SHISA6: variants seen among roughly 807,000 people sequenced by gnomAD.
The protein encoded by SHISA6 is protein shisa-6.
SHISA6 carries 22 observed loss-of-function variants against 47.9 expected under a neutral mutation model. That is an observed-to-expected ratio of 0.46 (90% CI 0.33 to 0.66). The LOEUF (loss-of-function observed/expected upper bound fraction) is 0.66. SHISA6 is among the 30% of genes least tolerant of loss of function. The pLI is 0.02. For synonymous variants in SHISA6, 388 were observed against 337.8 expected (o/e 1.15, Z -1.63); for missense variants, 680 against 764.6 (o/e 0.89, Z 1.30).
chr17:11,423,239 G>GTGTA (rs71367331), intron 3 of SHISA6, among the ~76,000 whole-genome samples: 5,141 of 134,588 alleles, frequency 0.038, 171 homozygotes, highest in African/African-American at 0.079. Context: ...GTGTGTGTGT[G>GTGTA]TATATATATA....
At chr17:11,528,581 T>G (rs1265268226) in intron 3 of SHISA6, among the ~76,000 whole-genome samples, 1 of 152,158 alleles carries the variant, frequency 6.6e-6, no homozygotes, top group Admixed American at 6.5e-5. Flanking sequence ...GTATGTGTAA[T>G]GAATTATGGT....
Position 11,461,177 on chromosome 17 carries a change from C to T in SHISA6, c.895+81668C>T, listed in dbSNP as rs552364351. Among the ~76,000 whole-genome samples, 5 of 152,232 alleles carry T rather than the reference C, an allele frequency of 3.3e-5. No homozygotes were observed. In the South Asian group the frequency reaches 1.0e-3, roughly 32 times the overall value. ...CTTCAGGAGGCGGAGGCAGGCGGAT[C>T]ACGAGGTCAGGAGATTGAGATCATC... On this transcript the variant is annotated intron_variant, in intron 3 of 5. Transcript: ENST00000441885.
intron 2 of SHISA6, among the ~76,000 whole-genome samples, chr17:11,336,385 A>G (rs989898873): frequency 6.6e-6 from 1 of 151,928 alleles, no homozygotes; most frequent in African/African-American, 2.4e-5. Flanking sequence ...GTAAGCTATT[A>G]TGGGGGCAGA....
At chr17:11,323,740 G>A (rs947219469) in intron 2 of SHISA6, among the ~76,000 whole-genome samples, 1 of 151,670 alleles carries the variant, frequency 6.6e-6, no homozygotes, top group Non-Finnish European at 1.5e-5. Flanking sequence ...CAACCTGTAG[G>A]CTTTGCTCTC....
chr17:11,248,989 A>G (rs1427111622), intron 1 of SHISA6, among the ~76,000 whole-genome samples: 13 of 152,076 alleles, frequency 8.5e-5, no homozygotes, highest in Non-Finnish European at 5.9e-5. Flanking sequence ...AATACAAAAA[A>G]TTAGCCGGGC....
chr17:11,546,990 G>A (rs796374969), intron 3 of SHISA6, among the ~76,000 whole-genome samples: 1 of 152,058 alleles, frequency 6.6e-6, no homozygotes, highest in African/African-American at 2.4e-5. Context: ...TGGTACATGC[G>A]ATAAACAAGA....
rs575012345 is a variant in SHISA6 at position 11,312,718 on chromosome 17, G to A, written c.799+49192G>A. Among the ~76,000 whole-genome samples, 4 of 152,236 alleles carry A rather than the reference G, an allele frequency of 2.6e-5. No homozygotes were observed. The South Asian group carries it at 8.3e-4, about 32-fold the overall frequency. ...TTTATTTATTCAGGAATAAGCTATGGCAGTATCCATAGTTCTATTTCATTC... is the reference window on the plus strand; with the variant it reads ...TTTATTTATTCAGGAATAAGCTATGACAGTATCCATAGTTCTATTTCATTC... On this transcript the variant is annotated intron_variant, in intron 2 of 5. Coordinates refer to ENST00000441885, the MANE Select transcript of SHISA6 (RefSeq NM_207386.4).
intron 3 of SHISA6, among the ~76,000 whole-genome samples, chr17:11,529,924 T>G (rs2071718158): frequency 6.6e-6 from 1 of 151,916 alleles, no homozygotes; most frequent in South Asian, 2.1e-4. Context: ...ATAGAGGAAA[T>G]GAAAAAATGA....
intron 3 of SHISA6, among the ~76,000 whole-genome samples, chr17:11,545,586 G>C (rs1218776382): frequency 6.6e-6 from 1 of 152,170 alleles, no homozygotes; most frequent in Non-Finnish European, 1.5e-5. Context: ...TTGCATGTGA[G>C]ACTATAACTC....
At chr17:11,485,895 C>T (rs531173991) in intron 3 of SHISA6, among the ~76,000 whole-genome samples, 4 of 152,074 alleles carry the variant, frequency 2.6e-5, no homozygotes, top group Admixed American at 2.0e-4. Context: ...TCCATCCCAG[C>T]GCTGTTGATT....
chr17:11,481,334 ATATG>A (rs1241295578), intron 3 of SHISA6, among the ~76,000 whole-genome samples: 2 of 94,722 alleles, frequency 2.1e-5, no homozygotes, highest in East Asian at 5.8e-4. Context: ...CAAAAAATAT[ATATG>A]TGTGTGTGTG....
chr17:11,272,088 A>T (rs1908693540), intron 2 of SHISA6, among the ~76,000 whole-genome samples: 2 of 151,680 alleles, frequency 1.3e-5, no homozygotes, highest in African/African-American at 2.4e-5. Flanking sequence ...CCGCTCCACT[A>T]CCAGGCACCC....
At chr17:11,412,422 T>A (rs912111566) in intron 3 of SHISA6, among the ~76,000 whole-genome samples, 2 of 152,194 alleles carry the variant, frequency 1.3e-5, no homozygotes, top group Non-Finnish European at 1.5e-5. Context: ...AGGACCACAT[T>A]TATTTCTTGG....
Position 11,241,372 on chromosome 17 carries a change from G to A in SHISA6, c.-51G>A, listed in dbSNP as rs1907315634. 2.0e-6 allele frequency: 2 copies of A among 1,023,338 alleles called. No individual in the cohort carries two copies. The highest frequency in any genetic ancestry group is 2.3e-6 in the Non-Finnish European group (2 of 856,512). 63.4% of individuals were successfully genotyped at this position (1,023,338 alleles called of 1,614,324 possible). On this transcript the variant is annotated 5_prime_UTR_variant, in exon 1 of 6. Transcript: ENST00000441885. The surrounding 1 kb of genome is among the most constrained non-coding windows in gnomAD (Gnocchi z 5.5). ...GGGTCCTCCGAGCCCGGCCCGCCGGGGGAGCGGCCTGCCGCGGAAGCCTCC... is the reference window on the plus strand; with the variant it reads ...GGGTCCTCCGAGCCCGGCCCGCCGGAGGAGCGGCCTGCCGCGGAAGCCTCC...
chr17:11,474,650 C>T lies in SHISA6; in HGVS notation c.896-77246C>T, dbSNP rs1014787518. ...ATATTTCTAGGATCTCTATTTTGTG[C>T]CACTGAATTATTTGTCTGTTTTTTC... On this transcript the variant is annotated intron_variant, in intron 3 of 5. Transcript: ENST00000441885. Among the ~76,000 whole-genome samples, 14 of 152,178 alleles carry T rather than the reference C, an allele frequency of 9.2e-5. No homozygotes were observed. The South Asian group carries it at 2.7e-3, about 29-fold the overall frequency.
At position 11,242,032 on chromosome 17, in the gene SHISA6, C is replaced by A. The variant is rs1261033923; in HGVS notation, c.610C>A (p.Arg204Ser). The A allele has an allele frequency of 1.3e-6, 2 of 1,550,710 alleles. No individual in the cohort carries two copies. The highest frequency in any genetic ancestry group is 2.7e-5 in the African/African-American group (2 of 73,058). ...FAKVSYDKAH[R>S]PPREMNIHRA... is the part of the protein sequence containing the mutation. ...CAAGGTCTCCTACGACAAGGCCCACCGCCCTCCACGGGAGATGAACATCCA... is the reference window on the plus strand; with the variant it reads ...CAAGGTCTCCTACGACAAGGCCCACAGCCCTCCACGGGAGATGAACATCCA... The change falls in exon 1 of 6, where the codon CGC (arginine) becomes AGC (serine). Residue 204 changes from arginine (R) to serine (S), a missense_variant. Physicochemically the swap from Arg to Ser is moderately radical, Grantham distance 110 (BLOSUM62 -1). This residue lies in a region of SHISA6 where 559 missense variants were observed against 674.1 expected (regional missense o/e 0.83). Transcript: ENST00000441885.
Position 11,241,556 on chromosome 17 carries a change from G to T in SHISA6, c.134G>T (p.Arg45Leu). Residue 45 changes from arginine (R) to leucine (L), a missense_variant, in exon 1 of 6, where the codon CGG (arginine) becomes CTG (leucine). Arg to Leu is a moderately radical substitution (Grantham distance 102). Coordinates refer to ENST00000441885, the MANE Select transcript of SHISA6 (RefSeq NM_207386.4). The surrounding 1 kb of genome is among the most constrained non-coding windows in gnomAD (Gnocchi z 5.5). ...GCAGGCGGCGCTGCCGTCGGGGGCC[G>T]GAGGGCCGGGGGCGCCCTGGCACGG... ...LSAGGAAVGGRRAGGALARGG... is the reference protein window; with the variant it reads ...LSAGGAAVGGLRAGGALARGG... 9.2e-7 allele frequency: 1 copy of T among 1,087,422 alleles called. No homozygotes were observed. Among genetic ancestry groups the T allele is most frequent in the Non-Finnish European group, 1.1e-6 (1 of 898,434 alleles). 67.4% of individuals were successfully genotyped at this position (1,087,422 alleles called of 1,614,324 possible).
intron 2 of SHISA6, among the ~76,000 whole-genome samples, chr17:11,298,788 T>C (rs1909832096): frequency 6.6e-6 from 1 of 152,128 alleles, no homozygotes; most frequent in Non-Finnish European, 1.5e-5. Context: ...GGCCAAACCA[T>C]GTTCCAAGTT....
chr17:11,449,126 G>A (rs756493934), intron 3 of SHISA6, among the ~76,000 whole-genome samples: 14 of 152,048 alleles, frequency 9.2e-5, no homozygotes, highest in African/African-American at 1.4e-4. Context: ...GTAGGAAGTC[G>A]GGGCCAAAGT....
Sources: gnomAD v4.1 joint callset for allele counts (sites outside exome capture counted in the v4.1 genomes callset) on GRCh38, gnomAD v4.1.1 for gene constraint, gnomAD v4.1.1 regional missense constraint, Gnocchi (gnomAD v3.1) non-coding constraint, MANE v1.5 for transcripts, NCBI Gene and HGNC (gene_info 2026-07-23, HGNC 2026-07-21) for gene names.